The following PDE8B variants were observed in gnomAD, a reference collection of about 807,000 sequenced individuals.
PDE8B encodes the protein phosphodiesterase 8B, also known as high affinity cAMP-specific and IBMX-insensitive 3',5'-cyclic phosphodiesterase 8B.
In PDE8B, 26 loss-of-function variants were observed where a neutral mutation model predicts 101.3. That is an observed-to-expected ratio of 0.26 (90% confidence interval 0.19 to 0.36). The LOEUF (loss-of-function observed/expected upper bound fraction) is 0.36, where lower values mean the gene tolerates loss of function less well. Among genes scored for constraint, PDE8B ranks in the 10% least tolerant of loss-of-function variants. PDE8B has a pLI of 1.00. For missense variants in PDE8B, 810 were observed against 1,163.1 expected (o/e 0.70, Z 4.42); for synonymous variants, 424 against 429.3 (o/e 0.99, Z 0.15).
intron 10 of PDE8B, among the ~76,000 whole-genome samples, chr5:77,365,348 G>A (rs1003439582): frequency 6.6e-6 from 1 of 152,116 alleles, no homozygotes; most frequent in African/African-American, 2.4e-5. Context: ...GATCTGGCGC[G>A]ATCATGTTAT....
the PDE8B span, among the ~76,000 whole-genome samples, chr5:77,136,548 G>A: frequency 2.0e-5 from 3 of 152,176 alleles, no homozygotes; most frequent in African/African-American, 7.2e-5. Flanking sequence ...TTGAGTCTGG[G>A]GGTGACCTCT....
At position 77,400,255 on chromosome 5, in the gene PDE8B, A is replaced by T; in HGVS notation, c.1175A>T (p.Lys392Met). ...CTTDNNKQIH[K>M]IHRDSGDNSQ... is the part of the protein sequence containing the mutation. ...ACTTTTGAACGACTTTAGATTCACA[A>T]GATTCATCGTGATTCAGGAGACAAT... The change falls in exon 11 of 22, where the codon AAG (lysine) becomes ATG (methionine). Residue 392 changes from lysine to methionine, a missense_variant. Around this residue, in one of 4 missense-constraint regions of PDE8B, gnomAD observed 75 missense variants for 76.9 expected, o/e 0.98. Transcript: ENST00000264917. 2 of 1,602,248 alleles carry T rather than the reference A, an allele frequency of 1.2e-6. No homozygotes were observed. The highest frequency in any genetic ancestry group is 1.7e-6 in the Non-Finnish European group (2 of 1,169,206).
At chr5:77,162,767 C>T in the PDE8B span, among the ~76,000 whole-genome samples, 3 of 152,176 alleles carry the variant, frequency 2.0e-5, no homozygotes, top group South Asian at 2.1e-4. Context: ...TCTAATAATC[C>T]GTGGCCCTGA....
At chr5:77,158,451 A>T in the PDE8B span, among the ~76,000 whole-genome samples, 1 of 152,222 alleles carries the variant, frequency 6.6e-6, no homozygotes, top group East Asian at 1.9e-4. Context: ...CTAGTTAAGG[A>T]GACATGCTGA....
intron 1 of PDE8B, among the ~76,000 whole-genome samples, chr5:77,301,152 T>TA (rs1431083418): frequency 6.6e-6 from 1 of 152,158 alleles, no homozygotes; most frequent in African/African-American, 2.4e-5. Context: ...CAGCTGTGGC[T>TA]AAAAATCCAG....
At chr5:77,288,603 A>T (rs1444647303) in intron 1 of PDE8B, among the ~76,000 whole-genome samples, 1 of 152,196 alleles carries the variant, frequency 6.6e-6, no homozygotes, top group Non-Finnish European at 1.5e-5. Context: ...AATAGGTGGC[A>T]CAAGACCAGA....
chr5:77,419,971 C>T, intron 19 of PDE8B, 84 bp downstream of exon 19: 1 of 1,478,450 alleles, frequency 6.8e-7, no homozygotes, highest in Admixed American at 1.7e-5. Flanking sequence ...TTTTCTCTCC[C>T]ACTCAAATGT....
At chr5:77,089,871 A>G in the PDE8B span, among the ~76,000 whole-genome samples, 1 of 152,250 alleles carries the variant, frequency 6.6e-6, no homozygotes, top group Admixed American at 6.5e-5. Flanking sequence ...ACTATTCACA[A>G]TAGCCAAGAT....
chr5:77,129,712 C>T, the PDE8B span, among the ~76,000 whole-genome samples: 1 of 152,168 alleles, frequency 6.6e-6, no homozygotes, highest in African/African-American at 2.4e-5. Context: ...GAATATCATT[C>T]ATTTTTCTTG....
intron 10 of PDE8B, among the ~76,000 whole-genome samples, chr5:77,390,307 G>T (rs1789639385): frequency 6.6e-6 from 1 of 152,200 alleles, no homozygotes; most frequent in Non-Finnish European, 1.5e-5. Flanking sequence ...ATATTTTGAA[G>T]TAATTAAGGG....
chr5:77,250,818 C>T lies in PDE8B; in HGVS notation c.339+39554C>T, dbSNP rs978536233. ...TTCCTGGGCCGCCAAGGTCCCTCTTCTCAGATGTGAGGAGGGGATGCAAAA... is the reference window on the plus strand; with the variant it reads ...TTCCTGGGCCGCCAAGGTCCCTCTTTTCAGATGTGAGGAGGGGATGCAAAA... On this transcript the variant is annotated intron_variant, in intron 1 of 21. Transcript: ENST00000264917. 2.6e-5 allele frequency among the ~76,000 whole-genome samples: 4 copies of T among 152,216 alleles called. No individual in the cohort carries two copies. The East Asian group carries it at 7.7e-4, about 29-fold the overall frequency.
At chr5:77,381,737 A>G (rs113381870) in intron 10 of PDE8B, among the ~76,000 whole-genome samples, 1 of 152,168 alleles carries the variant, frequency 6.6e-6, no homozygotes, top group Non-Finnish European at 1.5e-5. Context: ...TTTAAATTCT[A>G]TAATTTAAGG....
At chr5:77,261,853 C>T (rs898567515) in intron 1 of PDE8B, among the ~76,000 whole-genome samples, 6 of 152,194 alleles carry the variant, frequency 3.9e-5, no homozygotes, top group African/African-American at 1.2e-4. Flanking sequence ...AGGGATTTTC[C>T]ATGTGTGGAT....
intron 1 of PDE8B, among the ~76,000 whole-genome samples, chr5:77,264,987 G>A (rs181813272): frequency 1.3e-5 from 2 of 152,148 alleles, no homozygotes; most frequent in African/African-American, 2.4e-5. Flanking sequence ...CAACTGAGCT[G>A]CTTGTGCAGG....
intron 10 of PDE8B, among the ~76,000 whole-genome samples, chr5:77,357,511 A>T (rs1012611454): frequency 1.3e-5 from 2 of 152,196 alleles, no homozygotes; most frequent in African/African-American, 4.8e-5. Context: ...CTTCACCAGC[A>T]TGTCACAGAG....
chr5:77,183,038 G>T, the PDE8B span, among the ~76,000 whole-genome samples: 3,129 of 151,610 alleles, frequency 0.021, 108 homozygotes, highest in African/African-American at 0.072. Context: ...TAGGCGCTAG[G>T]CATTGGACTA....
At chr5:77,092,297 T>C in the PDE8B span, among the ~76,000 whole-genome samples, 1 of 152,218 alleles carries the variant, frequency 6.6e-6, no homozygotes, top group East Asian at 1.9e-4. Flanking sequence ...CAGAAATCTC[T>C]TTCTTGTGTT....
At chr5:77,389,285 AG>A (rs1455288572) in intron 10 of PDE8B, among the ~76,000 whole-genome samples, 3 of 152,184 alleles carry the variant, frequency 2.0e-5, no homozygotes, top group Admixed American at 6.5e-5. Context: ...ACCATTCCTC[AG>A]GGCACAGTCC....
chr5:77,316,454 G>A (rs748668469), intron 2 of PDE8B, among the ~76,000 whole-genome samples: 2 of 152,100 alleles, frequency 1.3e-5, no homozygotes, highest in Admixed American at 1.3e-4. Context: ...GGCTGGTCTC[G>A]AACTTCTGAC....
Sources: gnomAD v4.1 joint callset for allele counts (sites outside exome capture counted in the v4.1 genomes callset) on GRCh38, gnomAD v4.1.1 for gene constraint, gnomAD v4.1.1 regional missense constraint, MANE v1.5 for transcripts, NCBI Gene and HGNC (gene_info 2026-07-23, HGNC 2026-07-21) for gene names.